ITGAM: variants seen among roughly 807,000 people sequenced by gnomAD.
The protein encoded by ITGAM is integrin alpha-M.
A neutral mutation model predicts 137.5 loss-of-function variants in ITGAM; 79 were observed. The ratio of observed to expected loss-of-function variants is 0.57; its 90% CI spans 0.48 to 0.69. The LOEUF (loss-of-function observed/expected upper bound fraction) is 0.69. ITGAM is among the 30% of genes least tolerant of loss of function. The pLI is 0.00. For missense variants in ITGAM, 1,343 were observed against 1,483.5 expected (o/e 0.91, Z 1.56); for synonymous variants, 583 against 592.3 (o/e 0.98, Z 0.23).
rs912850816 is a variant in ITGAM, at chr16:31,331,745, C to T, written c.*38C>T. On this transcript the variant is annotated 3_prime_UTR_variant, in exon 30 of 30. Coordinates refer to ENST00000544665, the MANE Select transcript of ITGAM (RefSeq NM_000632.4). ...GACAGAGCTGCCTCTCGGTGGCCAG[C>T]AGGACTCTGCCCAGACCACACGTAG... is the stretch of plus-strand genomic sequence containing the variant. 9 of 1,501,748 alleles carry T rather than the reference C, an allele frequency of 6.0e-6. No homozygotes were observed. The highest frequency in any genetic ancestry group is 8.2e-6 in the Non-Finnish European group (9 of 1,101,816). The allele number at this position is 1,501,748 out of a possible 1,614,324, so 93.0% of individuals were successfully genotyped here. A position where few individuals can be genotyped will look rare whatever the true frequency, so the allele number is the denominator to read the frequency against.
intron 2 of ITGAM, 42 bp downstream of exon 2, chr16:31,261,839 TC>T: frequency 7.7e-7 from 1 of 1,296,250 alleles, no homozygotes; most frequent in Non-Finnish European, 1.1e-6. Flanking sequence ...GTGCTTTCTC[TC>T]CAAGACTTAC....
At chr16:31,260,158 A>G (rs2079683158) in intron 1 of ITGAM, 66 bp downstream of exon 1, 1 of 1,190,274 alleles carries the variant, frequency 8.4e-7, no homozygotes, top group African/African-American at 1.5e-5. Context: ...TGTCATAAAT[A>G]GAGGGCCCAG....
chr16:31,263,542 A>AGATC (rs2079729020), intron 2 of ITGAM, among the ~76,000 whole-genome samples: 1 of 151,612 alleles, frequency 6.6e-6, no homozygotes, highest in Non-Finnish European at 1.5e-5. Context: ...AAACTTACTG[A>AGATC]TCTCTGCAGA....
intron 12 of ITGAM, among the ~76,000 whole-genome samples, chr16:31,285,632 A>G (rs1170271560): frequency 6.6e-6 from 1 of 152,068 alleles, no homozygotes; most frequent in African/African-American, 2.4e-5. Context: ...GCGAGACTTC[A>G]TCTCAATTAA....
At chr16:31,302,960 C>CTTTG in intron 14 of ITGAM, among the ~76,000 whole-genome samples, 1 of 120,206 alleles carries the variant, frequency 8.3e-6, no homozygotes, top group Non-Finnish European at 1.7e-5. Flanking sequence ...TTCTTTCTTT[C>CTTTG]TTTCTTTCTT....
chr16:31,271,821 C>T, intron 6 of ITGAM, 26 bp from the exon 7 acceptor site: 18 of 1,613,498 alleles, frequency 1.1e-5, no homozygotes, highest in Non-Finnish European at 1.5e-5. Flanking sequence ...CCTTCTCCAG[C>T]ATCACACCAG....
chr16:31,277,609 C>T lies in ITGAM; in HGVS notation c.1214-358C>T, dbSNP rs536458447. ...CCAACCTCAGGTGATCCACCTGCCT[C>T]GGCCTCCCAAAGTGCTGGAATTACA... is the stretch of plus-strand genomic sequence containing the variant. On this transcript the variant is annotated intron_variant, in intron 11 of 29. Transcript: ENST00000544665. 3.3e-5 allele frequency among the ~76,000 whole-genome samples: 5 copies of T among 152,190 alleles called. No homozygotes were observed. In the South Asian group the frequency reaches 8.3e-4, roughly 25 times the overall value.
Position 31,324,477 on chromosome 16 carries a change from C to T in ITGAM, c.2081C>T (p.Thr694Ile). 6.3e-7 allele frequency: 1 copy of T among 1,586,804 alleles called. No homozygotes were observed. Among genetic ancestry groups the T allele is most frequent in the Non-Finnish European group, 8.6e-7 (1 of 1,166,938 alleles). ...RPHSRAVFNE[T>I]KNSTRRQTQV... ...CATTCCCGCGCCGTCTTCAATGAGA[C>T]AAAGAACAGCACACGCAGACAGACA... The change falls in exon 17 of 30, where the codon ACA (threonine) becomes ATA (isoleucine). Residue 694 changes from threonine (T) to isoleucine (I), a missense_variant. Physicochemically the swap from Thr to Ile is moderately conservative, Grantham distance 89. Transcript: ENST00000544665. This position sits in a 1 kb window ranked among gnomAD's most constrained non-coding sequence, Gnocchi z 4.5.
At chr16:31,331,572 CT>C (rs1300556039) in intron 29 of ITGAM, 63 bp from the exon 30 acceptor site, 2 of 1,221,976 alleles carry the variant, frequency 1.6e-6, no homozygotes, top group African/African-American at 3.0e-5. Context: ...CCCCCTCCCC[CT>C]GGTCTGCGGA....
Position 31,297,736 on chromosome 16 carries a change from G to A in ITGAM, c.1498-9G>A. The A allele has an allele frequency of 1.9e-6, 3 of 1,595,920 alleles. No homozygotes were observed. The highest frequency in any genetic ancestry group is 1.1e-5 in the South Asian group (1 of 89,836). On this transcript the variant is annotated splice_polypyrimidine_tract_variant and intron_variant, in intron 13 of 29. Transcript: ENST00000544665. ...TGGGTTGGGGCCTGATACTGTTTGTGTTTAGCAGAGGGCTCGGTGGCAGTG... is the reference window on the plus strand; with the variant it reads ...TGGGTTGGGGCCTGATACTGTTTGTATTTAGCAGAGGGCTCGGTGGCAGTG...
intron 7 of ITGAM, among the ~76,000 whole-genome samples, chr16:31,272,456 TATATA>T: frequency 8.0e-5 from 1 of 12,436 alleles, no homozygotes; most frequent in African/African-American, 4.1e-4. Context: ...TATATATATA[TATATA>T]TATTTTTTTT....
In ITGAM at chr16:31,329,282, G is replaced by C. The variant is rs2080549848; in HGVS notation, c.2847G>C (p.Arg949=). The C allele has an allele frequency of 6.2e-7, 1 of 1,612,736 alleles. No individual in the cohort carries two copies. Among genetic ancestry groups the C allele is most frequent in the Non-Finnish European group, 8.5e-7 (1 of 1,178,946 alleles). The part of the protein sequence containing the change: ...LNFTASENTS[R]VMQHQYQVSN... ...TCACGGCCTCAGAGAATACCAGTCGGGTCATGCAGCATCAATATCAGGTGG... is the reference window on the plus strand; with the variant it reads ...TCACGGCCTCAGAGAATACCAGTCGCGTCATGCAGCATCAATATCAGGTGG... Residue 949 remains arginine, a synonymous_variant, in exon 24 of 30, where the codon CGG becomes CGC. Transcript: ENST00000544665.
chr16:31,289,981 T>C (rs1597001145), intron 12 of ITGAM, among the ~76,000 whole-genome samples: 1 of 148,176 alleles, frequency 6.7e-6, no homozygotes, highest in East Asian at 2.0e-4. Context: ...CTTGGGAGGC[T>C]GAGGCAGGAG....
Position 31,330,329 on chromosome 16 carries a change from C to A in ITGAM, c.3082C>A (p.Gln1028Lys). The change falls in exon 27 of 30, where the codon CAG (glutamine) becomes AAG (lysine). Residue 1028 changes from glutamine to lysine, a missense_variant. Physicochemically the swap from Gln to Lys is moderately conservative, Grantham distance 53. Transcript: ENST00000544665. The stretch of plus-strand genomic sequence containing the variant: ...CCAGAACTGCTCCATCGCTGTCTGC[C>A]AGAGAATCCAGTGTGACATCCCGTT... Reference protein sequence around the residue: ...PVVNCSIAVCQRIQCDIPFFG... With the variant: ...PVVNCSIAVCKRIQCDIPFFG... The A allele has an allele frequency of 6.2e-7, 1 of 1,613,934 alleles. No homozygotes were observed. The highest frequency in any genetic ancestry group is 8.5e-7 in the Non-Finnish European group (1 of 1,179,802).
intron 12 of ITGAM, among the ~76,000 whole-genome samples, chr16:31,296,106 CTTTT>C (rs768920728): frequency 4.6e-5 from 6 of 131,034 alleles, no homozygotes; most frequent in African/African-American, 1.1e-4. Flanking sequence ...ATCTTTTTAT[CTTTT>C]TTTTTTTTTT....
intron 14 of ITGAM, among the ~76,000 whole-genome samples, chr16:31,313,995 T>C (rs1485405631): frequency 6.6e-6 from 1 of 152,202 alleles, no homozygotes; most frequent in Non-Finnish European, 1.5e-5. Flanking sequence ...AGCTTTTTTT[T>C]TTCATATGTT....
intron 14 of ITGAM, among the ~76,000 whole-genome samples, chr16:31,300,793 TC>T (rs1265071092): frequency 6.6e-6 from 1 of 152,098 alleles, no homozygotes; most frequent in African/African-American, 2.4e-5. Flanking sequence ...ATGCCTGTAA[TC>T]CCAGCTATTC....
intron 21 of ITGAM, among the ~76,000 whole-genome samples, chr16:31,326,310 C>T (rs528889252): frequency 4.6e-5 from 7 of 152,186 alleles, no homozygotes; most frequent in East Asian, 3.9e-4. Flanking sequence ...GAAATAATCC[C>T]GTATGTGATC....
intron 14 of ITGAM, among the ~76,000 whole-genome samples, chr16:31,320,475 C>T (rs2080437582): frequency 6.6e-6 from 1 of 152,050 alleles, no homozygotes; most frequent in African/African-American, 2.4e-5. Flanking sequence ...TACTCTTGCA[C>T]ATACTTTAAA....
Sources: gnomAD v4.1 joint callset for allele counts (sites outside exome capture counted in the v4.1 genomes callset) on GRCh38, gnomAD v4.1.1 for gene constraint, Gnocchi (gnomAD v3.1) non-coding constraint, MANE v1.5 for transcripts, NCBI Gene and HGNC (gene_info 2026-07-23, HGNC 2026-07-21) for gene names.